The following PRKCD variants were observed in gnomAD, a reference collection of about 807,000 sequenced individuals.
The protein encoded by PRKCD is protein kinase C delta, also known as protein kinase C delta type.
PRKCD carries 20 observed loss-of-function variants against 82.2 expected under a neutral mutation model. That is an observed-to-expected ratio of 0.24 (90% confidence interval 0.17 to 0.35). PRKCD has a LOEUF of 0.35. Ranked by LOEUF, PRKCD falls within the 10% of genes least tolerant of loss-of-function variation. The pLI is 1.00. For synonymous variants in PRKCD, 317 were observed against 337.0 expected, an observed-to-expected ratio of 0.94 and a Z score of 0.65; for missense variants, 607 against 899.0, an observed-to-expected ratio of 0.68 and a Z score of 4.15.
Position 53,186,590 on chromosome 3 carries a change from C to T in PRKCD, c.1261-14C>T. 6.2e-7 allele frequency: 1 copy of T among 1,605,364 alleles called. No individual in the cohort carries two copies. The highest frequency in any genetic ancestry group is 8.5e-7 in the Non-Finnish European group (1 of 1,174,388). On this transcript the variant is annotated splice_polypyrimidine_tract_variant and intron_variant, in intron 13 of 18. Coordinates refer to ENST00000330452, the MANE Select transcript of PRKCD (RefSeq NM_006254.4). ...CCTATTCCTCACCCCTGCTCACCACCCTTCCCACCCCAGGACCACCTGTTC... is the reference window on the plus strand; with the variant it reads ...CCTATTCCTCACCCCTGCTCACCACTCTTCCCACCCCAGGACCACCTGTTC...
intron 11 of PRKCD, 92 bp downstream of exon 11, chr3:53,185,792 T>C (rs781933382): frequency 2.6e-6 from 4 of 1,532,778 alleles, no homozygotes; most frequent in Middle Eastern, 1.7e-4. Flanking sequence ...AAGTGAGACA[T>C]GGAAGGAACC....
At chr3:53,177,079 C>T (rs1553666050) in intron 2 of PRKCD, among the ~76,000 whole-genome samples, 1 of 152,192 alleles carries the variant, frequency 6.6e-6, no homozygotes, top group African/African-American at 2.4e-5. Flanking sequence ...ACTCGCCTGC[C>T]TTGGCCTCCC....
chr3:53,165,602 C>A (rs72967449), intron 2 of PRKCD, among the ~76,000 whole-genome samples: 2 of 152,174 alleles, frequency 1.3e-5, no homozygotes, highest in Non-Finnish European at 2.9e-5. Context: ...CTCACCTCAT[C>A]ATCACACAAG....
In PRKCD at chr3:53,188,682, A is replaced by G. The variant is rs560495539; in HGVS notation, c.1416-38A>G. 2.5e-5 allele frequency: 40 copies of G among 1,611,114 alleles called. No homozygotes were observed. The South Asian group carries it at 2.9e-4, about 12-fold the overall frequency. ...GGGGGCAGGGTTGGAAGGAGAAGAA[A>G]TGTCCCCTGCTGACTCTTACCTGTC... On this transcript the variant is annotated intron_variant, in intron 15 of 18. Coordinates refer to ENST00000330452, the MANE Select transcript of PRKCD (RefSeq NM_006254.4).
At chr3:53,185,786 G>A (rs782165927) in intron 11 of PRKCD, 86 bp downstream of exon 11, 1 of 1,531,232 alleles carries the variant, frequency 6.5e-7, no homozygotes, top group East Asian at 2.2e-5. Context: ...ATTGTCAAGT[G>A]AGACATGGAA....
intron 1 of PRKCD, among the ~76,000 whole-genome samples, chr3:53,162,845 TG>T (rs1559612591): frequency 6.6e-6 from 1 of 151,764 alleles, no homozygotes; most frequent in African/African-American, 2.4e-5. Flanking sequence ...CCCCTGGTGT[TG>T]GGTGCCTACC....
rs1703191342 is a variant in PRKCD, at chr3:53,175,689, T to TC, written c.-19-2713dup. Reference sequence around the variant, plus strand: ...CCTGTCCCCTCAACCCTCATCATCCTCCGAGGCACTCAGAAGTTGCCTACT... The same window carrying TC: ...CCTGTCCCCTCAACCCTCATCATCCTCCCGAGGCACTCAGAAGTTGCCTACT... On this transcript the variant is annotated intron_variant, in intron 2 of 18. Transcript: ENST00000330452. 3.3e-5 allele frequency among the ~76,000 whole-genome samples: 5 copies of TC among 152,136 alleles called. No homozygotes were observed. In the South Asian group the frequency reaches 1.0e-3, roughly 31 times the overall value.
chr3:53,179,465 G>C, intron 3 of PRKCD, 112 bp from the exon 4 acceptor site: 2 of 1,381,078 alleles, frequency 1.4e-6, no homozygotes, highest in Non-Finnish European at 2.1e-6. Context: ...AACCACAGCA[G>C]GCCCTCAAGG....
intron 17 of PRKCD, among the ~76,000 whole-genome samples, chr3:53,189,670 C>T (rs1703851309): frequency 6.6e-6 from 1 of 152,216 alleles, no homozygotes; most frequent in South Asian, 2.1e-4. Flanking sequence ...AGCAGAGTCG[C>T]AGATGTCCAG....
At position 53,179,569 on chromosome 3, in the gene PRKCD, T is replaced by C. The variant is rs1553666748; in HGVS notation, c.116-8T>C. 3.7e-6 allele frequency: 6 copies of C among 1,614,084 alleles called. No individual in the cohort carries two copies. The highest frequency in any genetic ancestry group is 5.1e-6 in the Non-Finnish European group (6 of 1,179,992). ...TGGCCCAACCTTCTCTGCCTGGCCT[T>C]GTTGCAGAGCGTGGGAAAACACTGG... On this transcript the variant is annotated splice_polypyrimidine_tract_variant and splice_region_variant and intron_variant, in intron 3 of 18. Coordinates refer to ENST00000330452, the MANE Select transcript of PRKCD (RefSeq NM_006254.4).
chr3:53,162,270 C>CGGGG (rs550105739), intron 1 of PRKCD, among the ~76,000 whole-genome samples: 1 of 147,866 alleles, frequency 6.8e-6, no homozygotes, highest in African/African-American at 2.5e-5. Context: ...GGGAGGAGGT[C>CGGGG]GGGGGGGGGG....
In PRKCD at chr3:53,188,720, G is replaced by A; in HGVS notation, c.1416G>A (p.Arg472=). 4 of 1,614,190 alleles carry A rather than the reference G, an allele frequency of 2.5e-6. No homozygotes were observed. In the Middle Eastern group the frequency reaches 4.9e-4, roughly 200 times the overall value. ...ACTCTTACCTGTCCCCTGTCCTTAG[G>A]GACCTCAAACTGGACAATGTGCTGC... ...QFLHSKGIIY[R]DLKLDNVLLD... The change falls in exon 16 of 19, where the codon AGG becomes AGA. Residue 472 remains arginine, a splice_region_variant and synonymous_variant. Coordinates refer to ENST00000330452, the MANE Select transcript of PRKCD (RefSeq NM_006254.4).
chr3:53,183,727 A>T, intron 9 of PRKCD, 146 bp downstream of exon 9: 1 of 1,209,240 alleles, frequency 8.3e-7, no homozygotes. Flanking sequence ...GCCTTGGTGG[A>T]CCCTCCCCAC....
At chr3:53,191,176 C>T (rs1409589310) in intron 18 of PRKCD, among the ~76,000 whole-genome samples, 2 of 152,208 alleles carry the variant, frequency 1.3e-5, no homozygotes, top group Non-Finnish European at 2.9e-5. Context: ...CTGAGGCAGG[C>T]AGATCACCTG....
At position 53,181,227 on chromosome 3, in the gene PRKCD, C is replaced by T; in HGVS notation, c.336C>T (p.Ala112=). ...AACAGCTGGACCTGCAGCCTCAGGCCAAGGTGTTGATGTCTGTTCAGTATT... is the reference window on the plus strand; with the variant it reads ...AACAGCTGGACCTGCAGCCTCAGGCTAAGGTGTTGATGTCTGTTCAGTATT... ...AEFWLDLQPQ[A]KVLMSVQYFL... is the part of the protein sequence containing the mutation. Residue 112 remains alanine, a synonymous_variant, in exon 5 of 19, where the codon GCC becomes GCT. Coordinates refer to ENST00000330452, the MANE Select transcript of PRKCD (RefSeq NM_006254.4). 1 of 1,613,900 alleles carries T rather than the reference C, an allele frequency of 6.2e-7. No homozygotes were observed. The highest frequency in any genetic ancestry group is 2.2e-5 in the East Asian group (1 of 44,874).
intron 18 of PRKCD, among the ~76,000 whole-genome samples, chr3:53,190,599 A>T (rs1308471423): frequency 6.6e-6 from 1 of 152,164 alleles, no homozygotes; most frequent in African/African-American, 2.4e-5. Context: ...TGGTTCACTC[A>T]CAGGCCCAGA....
intron 4 of PRKCD, among the ~76,000 whole-genome samples, chr3:53,180,371 G>A (rs1418237192): frequency 6.6e-6 from 1 of 152,234 alleles, no homozygotes; most frequent in Non-Finnish European, 1.5e-5. Context: ...GAGAAGGGGA[G>A]GCTGACGGTC....
chr3:53,164,478 G>C lies in PRKCD; in HGVS notation c.-131-626G>C, dbSNP rs545562612. Among the ~76,000 whole-genome samples, 58 of 152,202 alleles carry C rather than the reference G, an allele frequency of 3.8e-4. No homozygotes were observed. In the South Asian group the frequency reaches 0.012, roughly 31 times the overall value. On this transcript the variant is annotated intron_variant, in intron 1 of 18. Coordinates refer to ENST00000330452, the MANE Select transcript of PRKCD (RefSeq NM_006254.4). ...CGCACCTGTAATCTCAGCTGCTCAG[G>C]AGGCTGAGGCACGAGAATCACTTGA...
At chr3:53,184,196 G>T (rs560108337) in intron 9 of PRKCD, among the ~76,000 whole-genome samples, 3 of 151,946 alleles carry the variant, frequency 2.0e-5, no homozygotes, top group African/African-American at 7.3e-5. Context: ...TTAGCCTGGC[G>T]TGGTGGCGGG....
Sources: gnomAD v4.1 joint callset for allele counts (sites outside exome capture counted in the v4.1 genomes callset) on GRCh38, gnomAD v4.1.1 for gene constraint, MANE v1.5 for transcripts, NCBI Gene and HGNC (gene_info 2026-07-23, HGNC 2026-07-21) for gene names.